RBFOX1: variants seen among roughly 807,000 people sequenced by gnomAD.
RBFOX1 encodes the protein RNA binding fox-1 homolog 1.
RBFOX1 carries 8 observed loss-of-function variants against 57.7 expected under a neutral mutation model. That is an observed-to-expected ratio of 0.14 (90% confidence interval 0.08 to 0.25). The LOEUF is 0.25. Among genes scored for constraint, RBFOX1 ranks in the 10% least tolerant of loss-of-function variants. The pLI is 1.00. For synonymous variants in RBFOX1, 326 were observed against 222.4 expected (o/e 1.47, Z -4.15); for missense variants, 611 against 548.5 (o/e 1.11, Z -1.14).
At chr16:7,646,840 G>C (rs138647128) in intron 11 of RBFOX1, among the ~76,000 whole-genome samples, 1 of 152,084 alleles carries the variant, frequency 6.6e-6, no homozygotes, top group Non-Finnish European at 1.5e-5. Flanking sequence ...GATCTCATTT[G>C]TGTTTATTTT....
At position 6,019,045 on chromosome 16, in the gene RBFOX1, C is replaced by G. The variant is rs1284085595; in HGVS notation, c.-1074C>G. 1 of 963,416 alleles carries G rather than the reference C, an allele frequency of 1.0e-6. No homozygotes were observed. The highest frequency in any genetic ancestry group is 1.2e-6 in the Non-Finnish European group (1 of 810,596). 59.7% of individuals were successfully genotyped at this position (963,416 alleles called of 1,614,324 possible). ...CACCAGATTATTTTTGGCTCCGCAG[C>G]CGGGGCTGCTCGCTGCTTGTCGCGC... On this transcript the variant is annotated 5_prime_UTR_variant, in exon 1 of 16. Coordinates refer to ENST00000550418, the MANE Select transcript of RBFOX1 (RefSeq NM_018723.4). This position sits in a 1 kb window ranked among gnomAD's most constrained non-coding sequence, Gnocchi z 4.2.
intron 4 of RBFOX1, among the ~76,000 whole-genome samples, chr16:7,242,181 A>C (rs184732526): frequency 6.6e-6 from 1 of 152,240 alleles, no homozygotes; most frequent in African/African-American, 2.4e-5. Context: ...TAGGTCATGC[A>C]CTTACTGTAA....
At chr16:7,162,404 A>T (rs773637603) in intron 4 of RBFOX1, among the ~76,000 whole-genome samples, 16 of 152,046 alleles carry the variant, frequency 1.1e-4, no homozygotes, top group Non-Finnish European at 2.1e-4. Context: ...AAATTTTATG[A>T]TGCTCCATTG....
At chr16:7,556,296 A>T (rs538204079) in intron 5 of RBFOX1, among the ~76,000 whole-genome samples, 14 of 152,282 alleles carry the variant, frequency 9.2e-5, no homozygotes, top group African/African-American at 2.9e-4. Context: ...TGTTTCTTGT[A>T]CACCAGATTG....
At chr16:6,974,027 A>G (rs180921802) in intron 3 of RBFOX1, among the ~76,000 whole-genome samples, 33 of 152,164 alleles carry the variant, frequency 2.2e-4, no homozygotes, top group African/African-American at 7.7e-4. Context: ...AACATATAGT[A>G]TTTGGTTTTC....
chr16:6,075,763 T>C (rs974642356), intron 1 of RBFOX1, among the ~76,000 whole-genome samples: 1 of 152,220 alleles, frequency 6.6e-6, no homozygotes, highest in Non-Finnish European at 1.5e-5. Flanking sequence ...TTGGGGAACT[T>C]CTAATCGGTC....
intron 4 of RBFOX1, among the ~76,000 whole-genome samples, chr16:7,370,636 T>G (rs910799445): frequency 6.6e-6 from 1 of 151,890 alleles, no homozygotes; most frequent in Non-Finnish European, 1.5e-5. Flanking sequence ...CATTAGCACA[T>G]CCTAGGCATG....
intron 2 of RBFOX1, among the ~76,000 whole-genome samples, chr16:6,626,242 TCAA>T (rs778765233): frequency 3.9e-5 from 6 of 152,064 alleles, no homozygotes; most frequent in Non-Finnish European, 7.4e-5. Flanking sequence ...TGTGTCCTGT[TCAA>T]CAAATGTTGC....
intron 4 of RBFOX1, among the ~76,000 whole-genome samples, chr16:7,120,694 GAA>G (rs35456614): frequency 1.8e-3 from 242 of 135,956 alleles, no homozygotes; most frequent in African/African-American, 5.9e-3. Flanking sequence ...TTAATGTTGG[GAA>G]AAAAAAAAAA....
At chr16:6,301,423 A>G (rs538339696) in intron 1 of RBFOX1, among the ~76,000 whole-genome samples, 1 of 152,324 alleles carries the variant, frequency 6.6e-6, no homozygotes, top group South Asian at 2.1e-4. Context: ...TCTCATTGAA[A>G]TAAGTACCTT....
intron 14 of RBFOX1, among the ~76,000 whole-genome samples, chr16:7,687,650 C>G (rs1484368604): frequency 6.6e-6 from 1 of 152,010 alleles, no homozygotes; most frequent in Non-Finnish European, 1.5e-5. Context: ...TTGTGACTTT[C>G]CACCTTAATT....
chr16:7,492,326 G>A (rs1175796738), intron 4 of RBFOX1, among the ~76,000 whole-genome samples: 1 of 151,962 alleles, frequency 6.6e-6, no homozygotes, highest in Admixed American at 6.6e-5. Context: ...AAAAATGGGG[G>A]TCAACTTTTC....
At chr16:6,192,364 G>A (rs1287967681) in intron 1 of RBFOX1, among the ~76,000 whole-genome samples, 3 of 152,006 alleles carry the variant, frequency 2.0e-5, no homozygotes, top group Non-Finnish European at 2.9e-5. Flanking sequence ...CTGAAGGAAC[G>A]GCAGATAAGA....
In RBFOX1 at chr16:6,903,922, G is replaced by T. The variant is rs561019920; in HGVS notation, c.-15-148135G>T. 4.6e-5 allele frequency among the ~76,000 whole-genome samples: 7 copies of T among 152,238 alleles called. No individual in the cohort carries two copies. The East Asian group carries it at 1.4e-3, about 29-fold the overall frequency. On this transcript the variant is annotated intron_variant, in intron 3 of 15. Transcript: ENST00000550418. ...ATCAAGCTGCCAGGGAGGATGTTTA[G>T]TAATTAAAGGAGGCTGGCACCATTT...
chr16:6,018,504 T>C (rs576722172), upstream of RBFOX1, among the ~76,000 whole-genome samples: 183 of 152,142 alleles, frequency 1.2e-3, no homozygotes, highest in Non-Finnish European at 5.1e-4. Flanking sequence ...TCAGCGTCCA[T>C]TGCGGGAGTA....
chr16:6,663,219 C>G (rs1256988344), intron 3 of RBFOX1, among the ~76,000 whole-genome samples: 1 of 152,144 alleles, frequency 6.6e-6, no homozygotes, highest in Non-Finnish European at 1.5e-5. Flanking sequence ...ACATGACTTA[C>G]TGACAATGGA....
chr16:6,400,964 G>GT (rs1464092518), intron 2 of RBFOX1, among the ~76,000 whole-genome samples: 3 of 152,120 alleles, frequency 2.0e-5, no homozygotes, highest in African/African-American at 7.2e-5. Context: ...TATCAATTTA[G>GT]TTTTTTTAAA....
chr16:5,559,699 C>G (rs775636290), intron 2 of RBFOX1, among the ~76,000 whole-genome samples: 1 of 152,144 alleles, frequency 6.6e-6, no homozygotes, highest in Non-Finnish European at 1.5e-5. Context: ...ATAAACTTCC[C>G]AAATCTCTTT....
chr16:5,567,391 A>G (rs537309355), intron 2 of RBFOX1, among the ~76,000 whole-genome samples: 1 of 152,290 alleles, frequency 6.6e-6, no homozygotes, highest in African/African-American at 2.4e-5. Flanking sequence ...ACTCTTAAGT[A>G]TAGTAATAAG....
Sources: allele counts gnomAD v4.1 joint callset (sites outside exome capture counted in the v4.1 genomes callset), GRCh38; gene constraint gnomAD v4.1.1; non-coding constraint Gnocchi (gnomAD v3.1); transcripts MANE v1.5; gene names NCBI Gene and HGNC (gene_info 2026-07-23, HGNC 2026-07-21).